The following CD274 variants were observed in gnomAD, a reference collection of about 807,000 sequenced individuals.
CD274 encodes the protein CD274 molecule.
CD274 carries 8 observed loss-of-function variants against 30.1 expected under a neutral mutation model. The observed-to-expected ratio is 0.27, with a 90% CI of 0.16 to 0.48. CD274 has a LOEUF of 0.48. Among genes scored for constraint, CD274 ranks in the 20% least tolerant of loss-of-function variants. The probability of loss-of-function intolerance (pLI) is 0.99; values close to 1 mark genes in which losing one functional copy is unlikely to be tolerated. For synonymous variants in CD274, 152 were observed against 124.6 expected (o/e 1.22, Z -1.46); for missense variants, 353 against 346.6 (o/e 1.02, Z -0.15).
chr9:5,458,877 G>A (rs542275404), intron 3 of CD274, among the ~76,000 whole-genome samples: 1 of 152,250 alleles, frequency 6.6e-6, no homozygotes, highest in African/African-American at 2.4e-5. Context: ...TGTGTTCCAA[G>A]ATATTAAAGA....
Position 5,457,087 on chromosome 9 carries a change from G to A in CD274, c.61G>A (p.Val21Ile), listed in dbSNP as rs370800260. ...TCCTTCTTTCTTTTTAGCATTTACTGTCACGGTTCCCAAGGACCTATATGT... is the reference window on the plus strand; with the variant it reads ...TCCTTCTTTCTTTTTAGCATTTACTATCACGGTTCCCAAGGACCTATATGT... ...TYWHLLNAFT[V>I]TVPKDLYVVE... is the part of the protein sequence containing the mutation. Residue 21 changes from valine (V) to isoleucine (I), a missense_variant, in exon 3 of 7, where the codon GTC (valine) becomes ATC (isoleucine). By Grantham distance (29) the Val-to-Ile change is conservative. Coordinates refer to ENST00000381577, the MANE Select transcript of CD274 (RefSeq NM_014143.4). 1.9e-6 allele frequency: 3 copies of A among 1,598,302 alleles called. No homozygotes were observed. The highest frequency in any genetic ancestry group is 2.6e-6 in the Non-Finnish European group (3 of 1,167,710).
intron 1 of CD274, among the ~76,000 whole-genome samples, chr9:5,454,409 C>A (rs1471549209): frequency 6.6e-6 from 1 of 152,042 alleles, no homozygotes; most frequent in East Asian, 1.9e-4. Context: ...AACACACACA[C>A]ACACTTTTTT....
intron 4 of CD274, among the ~76,000 whole-genome samples, chr9:5,465,199 G>A (rs1315086770): frequency 1.3e-5 from 2 of 151,888 alleles, no homozygotes; most frequent in Non-Finnish European, 2.9e-5. Flanking sequence ...AGCCTCACAA[G>A]AAATGTATTA....
At chr9:5,463,371 T>C (rs983449033) in intron 4 of CD274, 22 of 481,050 alleles carry the variant, frequency 4.6e-5, no homozygotes, top group African/African-American at 5.8e-5. Flanking sequence ...TGGATACACA[T>C]AGAATAATAA....
intron 3 of CD274, among the ~76,000 whole-genome samples, chr9:5,461,389 C>G (rs1819401615): frequency 6.6e-6 from 1 of 152,102 alleles, no homozygotes; most frequent in Non-Finnish European, 1.5e-5. Flanking sequence ...CCCAAAGCAA[C>G]CTACACATAA....
At chr9:5,463,331 A>G (rs1307719251) in intron 4 of CD274, 3 of 571,978 alleles carry the variant, frequency 5.2e-6, no homozygotes, top group African/African-American at 3.7e-5. Flanking sequence ...TATGGAATAT[A>G]CCTTTTGTTC....
chr9:5,453,959 T>A (rs1348921138), intron 1 of CD274, among the ~76,000 whole-genome samples: 1 of 152,214 alleles, frequency 6.6e-6, no homozygotes, highest in Admixed American at 6.5e-5. Context: ...GCTCCCTGGG[T>A]GAGAGTGATG....
At chr9:5,463,743 T>C (rs1271306114) in intron 4 of CD274, among the ~76,000 whole-genome samples, 1 of 152,234 alleles carries the variant, frequency 6.6e-6, no homozygotes, top group African/African-American at 2.4e-5. Context: ...TTCTGTGTGC[T>C]TCACTTTCCC....
At chr9:5,455,289 T>C (rs964032480) in intron 1 of CD274, among the ~76,000 whole-genome samples, 1 of 152,182 alleles carries the variant, frequency 6.6e-6, no homozygotes, top group Non-Finnish European at 1.5e-5. Flanking sequence ...TTTCTTTCAC[T>C]CTGACTTCCG....
rs1819426206 is a variant in CD274, at chr9:5,462,737, G to C, written c.395-97G>C. ...ATTAAGCATATCCCTCTGAGAACCA[G>C]CCTGCATTGATACTCTTTCTAATGT... On this transcript the variant is annotated intron_variant, in intron 3 of 6. Transcript: ENST00000381577. 3.5e-6 allele frequency: 4 copies of C among 1,147,648 alleles called. No individual in the cohort carries two copies. The South Asian group carries it at 5.9e-5, about 17-fold the overall frequency. 71.1% of individuals were successfully genotyped at this position (1,147,648 alleles called of 1,614,324 possible). A position where few individuals can be genotyped will look rare whatever the true frequency, so the allele number is the denominator to read the frequency against.
At chr9:5,464,459 A>T (rs1819462655) in intron 4 of CD274, among the ~76,000 whole-genome samples, 3 of 152,154 alleles carry the variant, frequency 2.0e-5, no homozygotes, top group Admixed American at 2.0e-4. Flanking sequence ...CTGGGTAGTC[A>T]AAGATGGATC....
intron 3 of CD274, among the ~76,000 whole-genome samples, chr9:5,461,708 T>TA (rs1241846716): frequency 6.6e-6 from 1 of 152,124 alleles, no homozygotes; most frequent in Non-Finnish European, 1.5e-5. Context: ...TAAACATGAA[T>TA]AAAGCTCTTA....
In CD274 at chr9:5,457,387, G is replaced by A. The variant is rs2131212845; in HGVS notation, c.361G>A (p.Ala121Thr). 2 of 1,613,734 alleles carry A rather than the reference G, an allele frequency of 1.2e-6. No individual in the cohort carries two copies. The highest frequency in any genetic ancestry group is 1.7e-6 in the Non-Finnish European group (2 of 1,179,686). ...CCGCTGCATGATCAGCTATGGTGGT[G>A]CCGACTACAAGCGAATTACTGTGAA... ...VYRCMISYGG[A>T]DYKRITVKVN... The change falls in exon 3 of 7, where the codon GCC (alanine) becomes ACC (threonine). Residue 121 changes from alanine to threonine, a missense_variant. Ala to Thr is a moderately conservative substitution (Grantham distance 58). Coordinates refer to ENST00000381577, the MANE Select transcript of CD274 (RefSeq NM_014143.4).
rs1316274742 is a variant in CD274 at position 5,462,838 on chromosome 9, A to G, written c.399A>G (p.Pro133=). 3 of 1,613,086 alleles carry G rather than the reference A, an allele frequency of 1.9e-6. No individual in the cohort carries two copies. The highest frequency in any genetic ancestry group is 2.5e-6 in the Non-Finnish European group (3 of 1,179,182). ...TTCTTTTTGTTTATGTCCTAGCCCCATACAACAAAATCAACCAAAGAATTT... is the reference window on the plus strand; with the variant it reads ...TTCTTTTTGTTTATGTCCTAGCCCCGTACAACAAAATCAACCAAAGAATTT... The part of the protein sequence containing the change: ...YKRITVKVNA[P]YNKINQRILV... The change falls in exon 4 of 7, where the codon CCA becomes CCG. Residue 133 remains proline, a synonymous_variant. Coordinates refer to ENST00000381577, the MANE Select transcript of CD274 (RefSeq NM_014143.4).
chr9:5,461,659 A>G (rs1016196456), intron 3 of CD274, among the ~76,000 whole-genome samples: 4 of 152,140 alleles, frequency 2.6e-5, no homozygotes, highest in South Asian at 4.1e-4. Context: ...AAAAGATTAT[A>G]CCAACAAAAT....
chr9:5,456,407 C>G (rs1274011541), intron 2 of CD274, among the ~76,000 whole-genome samples: 1 of 152,036 alleles, frequency 6.6e-6, no homozygotes, highest in African/African-American at 2.4e-5. Flanking sequence ...AATCTATTAC[C>G]CATTTCCCAG....
chr9:5,459,006 G>A (rs540175686), intron 3 of CD274, among the ~76,000 whole-genome samples: 10 of 152,308 alleles, frequency 6.6e-5, no homozygotes, highest in Admixed American at 5.9e-4. Context: ...TCCAAAAAAG[G>A]TCTCTCATCA....
rs1819484130 is a variant in CD274 at position 5,465,559 on chromosome 9, T to A, written c.743T>A (p.Leu248Ter). ...RTHLVILGAI[L>*]LCLGVALTFI... ...CACTTGGTAATTCTGGGAGCCATCT[T>A]ATTATGCCTTGGTGTAGCACTGACA... Residue 248 changes from leucine to a stop codon, truncating the protein, a stop_gained, in exon 5 of 7, where the codon TTA (leucine) becomes TAA (stop). Transcript: ENST00000381577. LOFTEE classifies it high-confidence loss of function. 6.2e-7 allele frequency: 1 copy of A among 1,611,598 alleles called. No individual in the cohort carries two copies. The highest frequency in any genetic ancestry group is 8.5e-7 in the Non-Finnish European group (1 of 1,177,738).
Position 5,454,643 on chromosome 9 carries a change from G to A in CD274, c.-14-1457G>A, listed in dbSNP as rs72705423. ...CATATACAGACATATATATATATAT[G>A]TGTGTGTGTGTGTTTTTGTTTTAGT... is the stretch of plus-strand genomic sequence containing the variant. On this transcript the variant is annotated intron_variant, in intron 1 of 6. Coordinates refer to ENST00000381577, the MANE Select transcript of CD274 (RefSeq NM_014143.4). 3.1e-3 allele frequency among the ~76,000 whole-genome samples: 177 copies of A among 57,352 alleles called. 1 individual carries two copies. Among genetic ancestry groups the A allele is most frequent in the South Asian group, 0.017 (41 of 2,380 alleles). 37.6% of individuals were successfully genotyped at this position (57,352 alleles called of 152,430 possible).
Sources: allele counts gnomAD v4.1 joint callset (sites outside exome capture counted in the v4.1 genomes callset), GRCh38; gene constraint gnomAD v4.1.1; transcripts MANE v1.5; gene names NCBI Gene and HGNC (gene_info 2026-07-23, HGNC 2026-07-21).